Variants in CENPP observed in about 807,000 individuals in gnomAD.
CENPP encodes centromere protein P.
Under a neutral mutation model 35.6 loss-of-function variants are expected in CENPP, and 24 were observed. That is an observed-to-expected ratio of 0.67 (90% CI 0.49 to 0.95). The LOEUF is 0.95. CENPP is among the 40% of genes least tolerant of loss of function. The pLI, the probability that CENPP is intolerant of heterozygous loss-of-function variation, is 0.00. For missense variants in CENPP, 332 were observed against 345.3 expected, an observed-to-expected ratio of 0.96 and a Z score of 0.31; for synonymous variants, 120 against 125.5, an observed-to-expected ratio of 0.96 and a Z score of 0.29.
At chr9:92,371,472 AG>A (rs2130852816) in intron 4 of CENPP, among the ~76,000 whole-genome samples, 1 of 152,288 alleles carries the variant, frequency 6.6e-6, no homozygotes, top group African/African-American at 2.4e-5. Context: ...TGTTCTGAGA[AG>A]ACACATGCTA....
rs79257141 is a variant in CENPP, at chr9:92,548,043, C to T, written c.565-63271C>T. Among the ~76,000 whole-genome samples, 36 of 152,314 alleles carry T rather than the reference C, an allele frequency of 2.4e-4. 1 individual carries two copies. The East Asian group carries it at 6.4e-3, about 27-fold the overall frequency. On this transcript the variant is annotated intron_variant, in intron 5 of 7. Coordinates refer to ENST00000375587, the MANE Select transcript of CENPP (RefSeq NM_001012267.3). ...TATGTAAAAAATCCAAAAGAATTTTCAGATAAATTACTAAAATTATCTTTA... is the reference window on the plus strand; with the variant it reads ...TATGTAAAAAATCCAAAAGAATTTTTAGATAAATTACTAAAATTATCTTTA...
intron 5 of CENPP, among the ~76,000 whole-genome samples, chr9:92,506,694 T>C (rs571651850): frequency 6.7e-6 from 1 of 148,282 alleles, no homozygotes; most frequent in South Asian, 2.2e-4. Flanking sequence ...GTGAGTGGTA[T>C]GAAAGTGCCA....
Position 92,422,081 on chromosome 9 carries a change from C to T in CENPP, c.564+42222C>T, listed in dbSNP as rs1419759552. ...TTTTTTTTTTTGGAGACAAGAGTCT[C>T]GTGCTGTCACCCAGGCTGGAGTGCA... On this transcript the variant is annotated intron_variant, in intron 5 of 7. Coordinates refer to ENST00000375587, the MANE Select transcript of CENPP (RefSeq NM_001012267.3). Among the ~76,000 whole-genome samples the T allele has an allele frequency of 5.9e-5, 9 of 151,290 alleles. 1 individual carries two copies. Among genetic ancestry groups the T allele is most frequent in the Admixed American group, 3.9e-4 (6 of 15,200 alleles).
chr9:92,565,617 A>T (rs546230872), intron 5 of CENPP, among the ~76,000 whole-genome samples: 2 of 152,356 alleles, frequency 1.3e-5, no homozygotes, highest in South Asian at 4.1e-4. Flanking sequence ...TTCTGATCAC[A>T]GAGATACAGA....
At chr9:92,493,668 T>C (rs1261946605) in intron 5 of CENPP, 1 of 154,762 alleles carries the variant, frequency 6.5e-6, no homozygotes, top group Admixed American at 6.5e-5. Context: ...TGAAGAGTGT[T>C]TGCTATAAGG....
At chr9:92,411,699 C>T (rs2130948621) in intron 5 of CENPP, among the ~76,000 whole-genome samples, 1 of 152,334 alleles carries the variant, frequency 6.6e-6, no homozygotes, top group South Asian at 2.1e-4. Flanking sequence ...CAAATTGAAA[C>T]TCCAGAGCTC....
At chr9:92,341,801 T>A (rs577491940) in intron 3 of CENPP, 2 of 152,392 alleles carry the variant, frequency 1.3e-5, no homozygotes, top group East Asian at 3.9e-4. Flanking sequence ...ACAGACAGTG[T>A]TGGCACTGAC....
intron 5 of CENPP, among the ~76,000 whole-genome samples, chr9:92,535,681 A>C (rs1849126250): frequency 6.6e-6 from 1 of 152,270 alleles, no homozygotes; most frequent in Non-Finnish European, 1.5e-5. Flanking sequence ...TTTCAAACCA[A>C]TTTATACTTC....
rs191091710 is a variant in CENPP, at chr9:92,582,960, A to C, written c.565-28354A>C. Among the ~76,000 whole-genome samples the C allele has an allele frequency of 1.6e-3, 244 of 152,180 alleles. 2 individuals are homozygous for C. The highest frequency in any genetic ancestry group is 2.8e-3 in the Non-Finnish European group (190 of 68,010). On this transcript the variant is annotated intron_variant, in intron 5 of 7. Transcript: ENST00000375587. ...TAGCCTCACCACTTTCTGTAAGTCTACTTTACTCTCCTCTCCCAAAAGGTG... is the reference window on the plus strand; with the variant it reads ...TAGCCTCACCACTTTCTGTAAGTCTCCTTTACTCTCCTCTCCCAAAAGGTG...
At chr9:92,357,238 A>G (rs965903891) in intron 4 of CENPP, among the ~76,000 whole-genome samples, 2 of 151,044 alleles carry the variant, frequency 1.3e-5, no homozygotes, top group Admixed American at 6.6e-5. Context: ...GCCTTTTTCC[A>G]TATGTTCTAA....
chr9:92,502,801 TGTC>T, intron 5 of CENPP: 12 of 642,612 alleles, frequency 1.9e-5, no homozygotes, highest in South Asian at 8.1e-5. Flanking sequence ...ATTTTTAAGT[TGTC>T]TTTTTTTTTT....
intron 5 of CENPP, among the ~76,000 whole-genome samples, chr9:92,555,204 T>C (rs996596918): frequency 6.7e-6 from 1 of 149,902 alleles, no homozygotes; most frequent in Admixed American, 6.8e-5. Flanking sequence ...TCTTGGACTT[T>C]TTTTTGGAAA....
intron 4 of CENPP, among the ~76,000 whole-genome samples, chr9:92,377,806 G>A (rs2130864157): frequency 6.6e-6 from 1 of 152,212 alleles, no homozygotes; most frequent in African/African-American, 2.4e-5. Context: ...GTACTATCCT[G>A]AGGCCAATGT....
intron 5 of CENPP, among the ~76,000 whole-genome samples, chr9:92,439,371 T>G (rs1311039397): frequency 1.3e-5 from 2 of 152,010 alleles, no homozygotes; most frequent in Non-Finnish European, 2.9e-5. Context: ...AAAAAATAAT[T>G]TAAAATATAT....
chr9:92,588,948 C>A (rs572030487), intron 5 of CENPP, among the ~76,000 whole-genome samples: 1 of 152,116 alleles, frequency 6.6e-6, no homozygotes. Flanking sequence ...AAATAAAATA[C>A]CTGCATTACT....
chr9:92,497,111 C>T (rs1037572341), intron 5 of CENPP, among the ~76,000 whole-genome samples: 20 of 152,102 alleles, frequency 1.3e-4, no homozygotes, highest in African/African-American at 4.6e-4. Context: ...ATTCCCACTC[C>T]TAGGATTTTA....
At chr9:92,469,860 G>T (rs1845445030) in intron 5 of CENPP, among the ~76,000 whole-genome samples, 1 of 152,158 alleles carries the variant, frequency 6.6e-6, no homozygotes, top group African/African-American at 2.4e-5. Flanking sequence ...ACTTCGAAAT[G>T]ATTTTTTTGG....
chr9:92,610,216 C>T (rs760364681), intron 5 of CENPP, among the ~76,000 whole-genome samples: 19 of 152,182 alleles, frequency 1.2e-4, no homozygotes, highest in Non-Finnish European at 2.5e-4. Flanking sequence ...CCGCCAGGCC[C>T]GGCTACTTTT....
intron 5 of CENPP, among the ~76,000 whole-genome samples, chr9:92,550,725 G>C (rs1231785746): frequency 6.6e-6 from 1 of 152,152 alleles, no homozygotes; most frequent in East Asian, 1.9e-4. Context: ...CCTTAAGCCA[G>C]CAAGCAGTTA....
Sources: gnomAD v4.1 joint callset for allele counts (sites outside exome capture counted in the v4.1 genomes callset) on GRCh38, gnomAD v4.1.1 for gene constraint, MANE v1.5 for transcripts, NCBI Gene and HGNC (gene_info 2026-07-23, HGNC 2026-07-21) for gene names.